CAMK2D: variants seen among roughly 807,000 people sequenced by gnomAD.
CAMK2D encodes calcium/calmodulin-dependent protein kinase type II subunit delta.
A neutral mutation model predicts 84.0 loss-of-function variants in CAMK2D; 37 were observed. The ratio of observed to expected loss-of-function variants is 0.44; its 90% CI spans 0.34 to 0.58. CAMK2D has a LOEUF of 0.58. CAMK2D is among the 20% of genes least tolerant of loss of function. CAMK2D has a pLI of 0.02. For synonymous variants in CAMK2D, 202 were observed against 212.5 expected, an observed-to-expected ratio of 0.95 and a Z score of 0.43; for missense variants, 448 against 652.5, an observed-to-expected ratio of 0.69 and a Z score of 3.41.
Position 113,640,315 on chromosome 4 carries a change from C to A in CAMK2D, c.220+21398G>T, listed in dbSNP as rs117148521. Among the ~76,000 whole-genome samples the A allele has an allele frequency of 1.9e-4, 29 of 151,754 alleles. No homozygotes were observed. In the East Asian group the frequency reaches 5.1e-3, roughly 26 times the overall value. ...ACTAATATATGAATGAAATGCCCTG[C>A]GTAGATTTAAGAGGTAGGCAGAAGG... is the stretch of plus-strand genomic sequence containing the variant. On this transcript the variant is annotated intron_variant, in intron 3 of 20. Transcript: ENST00000511664.
chr4:113,531,806 G>A (rs945451333), intron 7 of CAMK2D, among the ~76,000 whole-genome samples: 5 of 152,044 alleles, frequency 3.3e-5, no homozygotes, highest in African/African-American at 1.2e-4. Context: ...CTAGACATTC[G>A]ACTTAAGAAG....
chr4:113,689,577 C>T (rs566328284), intron 2 of CAMK2D, among the ~76,000 whole-genome samples: 14 of 152,248 alleles, frequency 9.2e-5, no homozygotes, highest in African/African-American at 2.9e-4. Context: ...CCATCCTGTC[C>T]TTCTTATTCT....
chr4:113,583,355 C>T (rs1080288), intron 4 of CAMK2D, among the ~76,000 whole-genome samples: 6,378 of 152,164 alleles, frequency 0.042, 459 homozygotes, highest in African/African-American at 0.15. Flanking sequence ...CTACTGATAC[C>T]GCTCTCTGCA....
In CAMK2D at chr4:113,452,772, A is replaced by C. The variant is rs1484017044; in HGVS notation, c.*1773T>G. On this transcript the variant is annotated 3_prime_UTR_variant, in exon 21 of 21. Coordinates refer to ENST00000511664, the MANE Select transcript of CAMK2D (RefSeq NM_001321571.2). Reference sequence around the variant, plus strand: ...AAATGAGGCCATTATTTTTTCACAGATCTCATTGGCAGGTTAACATGGCTC... The same window carrying C: ...AAATGAGGCCATTATTTTTTCACAGCTCTCATTGGCAGGTTAACATGGCTC... 1 of 152,552 alleles carries C rather than the reference A, an allele frequency of 6.6e-6. No individual in the cohort carries two copies. The highest frequency in any genetic ancestry group is 1.5e-5 in the Non-Finnish European group (1 of 68,024). The allele number at this position is 152,552 out of a possible 1,614,324, so 9.4% of individuals were successfully genotyped here. A position where few individuals can be genotyped will look rare whatever the true frequency, so the allele number is the denominator to read the frequency against.
chr4:113,619,693 G>C, intron 3 of CAMK2D, among the ~76,000 whole-genome samples: 1 of 152,138 alleles, frequency 6.6e-6, no homozygotes. Flanking sequence ...CAGCTTTTCA[G>C]AGTATTCATT....
In CAMK2D at chr4:113,465,581, C is replaced by T. The variant is rs370943563; in HGVS notation, c.1159G>A (p.Val387Ile). ...ATAGCTTCGATCAGTTGTTCAGTGA[C>T]TTTGATAATCTCTTGCTTTCGTGCT... ...VKARKQEIIK[V>I]TEQLIEAINN... The change falls in exon 17 of 21, where the codon GTC (valine) becomes ATC (isoleucine). Residue 387 changes from valine (V) to isoleucine (I), a missense_variant. Physicochemically the swap from Val to Ile is conservative, Grantham distance 29. This residue lies in a region of CAMK2D where 219 missense variants were observed against 272.1 expected (regional missense o/e 0.80). Coordinates refer to ENST00000511664, the MANE Select transcript of CAMK2D (RefSeq NM_001321571.2). The T allele has an allele frequency of 1.9e-5, 31 of 1,612,220 alleles. No homozygotes were observed. The highest frequency in any genetic ancestry group is 2.5e-5 in the Non-Finnish European group (30 of 1,178,520).
intron 3 of CAMK2D, among the ~76,000 whole-genome samples, chr4:113,650,717 G>T (rs953579786): frequency 6.6e-6 from 1 of 152,146 alleles, no homozygotes; most frequent in African/African-American, 2.4e-5. Flanking sequence ...AGCATAGCAT[G>T]TTTTTTGACA....
intron 8 of CAMK2D, among the ~76,000 whole-genome samples, chr4:113,527,296 G>C (rs1420609611): frequency 6.6e-6 from 1 of 151,500 alleles, no homozygotes; most frequent in Admixed American, 6.6e-5. Context: ...GTAGAGATGG[G>C]TCATCCTATG....
chr4:113,747,272 T>G (rs2099606490), intron 2 of CAMK2D, among the ~76,000 whole-genome samples: 1 of 150,494 alleles, frequency 6.6e-6, no homozygotes, highest in Non-Finnish European at 1.5e-5. Context: ...AATTATAAAC[T>G]ATATCACAGA....
intron 4 of CAMK2D, among the ~76,000 whole-genome samples, chr4:113,560,978 G>A (rs2098695728): frequency 6.6e-6 from 1 of 152,124 alleles, no homozygotes; most frequent in African/African-American, 2.4e-5. Context: ...TAGAGGAGGT[G>A]CTATCCAAGG....
At chr4:113,492,355 TG>T (rs2097856065) in intron 16 of CAMK2D, among the ~76,000 whole-genome samples, 1 of 152,226 alleles carries the variant, frequency 6.6e-6, no homozygotes, top group Admixed American at 6.5e-5. Context: ...TTGTTCTCGT[TG>T]GTTTCAAAGA....
chr4:113,552,509 A>G (rs2098636266), intron 4 of CAMK2D, among the ~76,000 whole-genome samples: 1 of 152,220 alleles, frequency 6.6e-6, no homozygotes, highest in Non-Finnish European at 1.5e-5. Context: ...GCATGTGTGC[A>G]TCCTTAAACA....
chr4:113,639,685 C>T (rs1401657658), intron 3 of CAMK2D, among the ~76,000 whole-genome samples: 1 of 151,112 alleles, frequency 6.6e-6, no homozygotes, highest in Non-Finnish European at 1.5e-5. Context: ...AGAGCGTCTC[C>T]CACCAAGAGA....
At chr4:113,521,113 A>C (rs2098352474) in intron 8 of CAMK2D, among the ~76,000 whole-genome samples, 1 of 152,212 alleles carries the variant, frequency 6.6e-6, no homozygotes, top group Non-Finnish European at 1.5e-5. Context: ...TGGTTGGCCT[A>C]AGATACAGTT....
At chr4:113,623,726 G>T (rs1469137975) in intron 3 of CAMK2D, among the ~76,000 whole-genome samples, 2 of 149,730 alleles carry the variant, frequency 1.3e-5, no homozygotes, top group Non-Finnish European at 3.0e-5. Flanking sequence ...ACTAAACATT[G>T]TTATGCAGTG....
chr4:113,524,683 C>T (rs1409256974), intron 8 of CAMK2D, among the ~76,000 whole-genome samples: 2 of 152,096 alleles, frequency 1.3e-5, no homozygotes, highest in Non-Finnish European at 2.9e-5. Context: ...CATCCTGTGG[C>T]CCCAGAGAAT....
chr4:113,489,475 A>AT (rs1317276693), intron 16 of CAMK2D, among the ~76,000 whole-genome samples: 6 of 151,958 alleles, frequency 3.9e-5, no homozygotes, highest in Non-Finnish European at 8.8e-5. Flanking sequence ...TGAACTCATC[A>AT]TTTTTTTATG....
At chr4:113,562,621 C>A (rs1233998746) in intron 4 of CAMK2D, among the ~76,000 whole-genome samples, 1 of 152,160 alleles carries the variant, frequency 6.6e-6, no homozygotes, top group Admixed American at 6.5e-5. Context: ...TTAACTGCAG[C>A]CTACAAAGAT....
intron 2 of CAMK2D, among the ~76,000 whole-genome samples, chr4:113,732,398 C>CA (rs1321474959): frequency 2.0e-5 from 3 of 152,154 alleles, no homozygotes; most frequent in Admixed American, 2.0e-4. Flanking sequence ...GCTGGAATTA[C>CA]AGGTGTGAGC....
Sources: gnomAD v4.1 joint callset for allele counts (sites outside exome capture counted in the v4.1 genomes callset) on GRCh38, gnomAD v4.1.1 for gene constraint, gnomAD v4.1.1 regional missense constraint, MANE v1.5 for transcripts, NCBI Gene and HGNC (gene_info 2026-07-23, HGNC 2026-07-21) for gene names.